EYS: variants seen among roughly 807,000 people sequenced by gnomAD.
The protein encoded by EYS is EGF-like photoreceptor maintenance factor, also known as protein eyes shut homolog.
In EYS, 250 loss-of-function variants were observed where a neutral mutation model predicts 282.1. That is an observed-to-expected ratio of 0.89 (90% CI 0.80 to 0.98). EYS has a LOEUF of 0.98. Ranked by LOEUF, EYS falls within the 50% of genes least tolerant of loss-of-function variation. The pLI, the probability that EYS is intolerant of heterozygous loss-of-function variation, is 0.00. For synonymous variants in EYS, 1,355 were observed against 1,282.9 expected, an observed-to-expected ratio of 1.06 and a Z score of -1.20; for missense variants, 4,016 against 3,709.0, an observed-to-expected ratio of 1.08 and a Z score of -2.15.
chr6:64,835,651 T>C (rs991778959), intron 19 of EYS, among the ~76,000 whole-genome samples: 2 of 151,698 alleles, frequency 1.3e-5, no homozygotes, highest in Non-Finnish European at 3.0e-5. Flanking sequence ...CACAGGATAA[T>C]ATACAACCTC....
At chr6:65,091,934 G>A (rs1774586751) in intron 12 of EYS, among the ~76,000 whole-genome samples, 1 of 152,040 alleles carries the variant, frequency 6.6e-6, no homozygotes, top group South Asian at 2.1e-4. Context: ...ACGGTCCCTC[G>A]AGTGTTTTTC....
chr6:64,745,089 T>C (rs1341184492), intron 22 of EYS, among the ~76,000 whole-genome samples: 1 of 152,202 alleles, frequency 6.6e-6, no homozygotes, highest in Non-Finnish European at 1.5e-5. Context: ...TCATCATATT[T>C]GATAACATTT....
intron 12 of EYS, among the ~76,000 whole-genome samples, chr6:65,137,389 T>G (rs1776051442): frequency 6.6e-6 from 1 of 152,106 alleles, no homozygotes; most frequent in South Asian, 2.1e-4. Context: ...TGAGACCATT[T>G]GAGGTCAGGT....
intron 31 of EYS, among the ~76,000 whole-genome samples, chr6:64,205,538 C>G (rs911361760): frequency 3.9e-5 from 6 of 152,066 alleles, no homozygotes; most frequent in African/African-American, 1.4e-4. Context: ...TTTCACTAAC[C>G]AGAACACATA....
At chr6:65,366,807 T>G (rs1054458795) in intron 8 of EYS, among the ~76,000 whole-genome samples, 2 of 151,624 alleles carry the variant, frequency 1.3e-5, no homozygotes, top group African/African-American at 2.4e-5. Flanking sequence ...GGAAATCTGT[T>G]TCTTTATCTT....
chr6:65,443,313 T>A (rs1294067710), intron 5 of EYS, among the ~76,000 whole-genome samples: 1 of 114,788 alleles, frequency 8.7e-6, no homozygotes, highest in Non-Finnish European at 2.1e-5. Context: ...TGTGTACACA[T>A]ATAGACATAT....
At chr6:64,390,939 G>A (rs1222849166) in intron 28 of EYS, among the ~76,000 whole-genome samples, 3 of 151,404 alleles carry the variant, frequency 2.0e-5, no homozygotes, top group African/African-American at 4.9e-5. Context: ...AGGAGCTGAT[G>A]GAGCTGAAAA....
chr6:64,606,764 C>T (rs141793995), intron 24 of EYS, among the ~76,000 whole-genome samples: 7 of 151,290 alleles, frequency 4.6e-5, no homozygotes, highest in African/African-American at 1.5e-4. Flanking sequence ...GGAATGTGCA[C>T]ACAGCCTTCT....
intron 28 of EYS, among the ~76,000 whole-genome samples, chr6:64,393,438 C>T (rs1411844656): frequency 2.0e-5 from 3 of 152,164 alleles, no homozygotes; most frequent in Admixed American, 6.5e-5. Flanking sequence ...CCACCATGAT[C>T]AAGTGGGCTT....
intron 1 of EYS, among the ~76,000 whole-genome samples, chr6:65,650,869 G>A (rs1767627794): frequency 6.6e-6 from 1 of 151,962 alleles, no homozygotes; most frequent in Admixed American, 6.6e-5. Flanking sequence ...CTTTTAAAAT[G>A]CAAATAAAAT....
At chr6:65,163,595 G>A (rs796546962) in intron 12 of EYS, among the ~76,000 whole-genome samples, 3 of 151,308 alleles carry the variant, frequency 2.0e-5, no homozygotes, top group African/African-American at 7.2e-5. Context: ...TGACAAAGAA[G>A]GATTGCCAAT....
chr6:65,577,557 A>T (rs893182787), intron 2 of EYS, among the ~76,000 whole-genome samples: 1 of 151,906 alleles, frequency 6.6e-6, no homozygotes, highest in Non-Finnish European at 1.5e-5. Flanking sequence ...ACAGACAACA[A>T]ATCAAAAATA....
intron 31 of EYS, among the ~76,000 whole-genome samples, chr6:64,127,300 T>G (rs1419383917): frequency 6.6e-6 from 1 of 152,166 alleles, no homozygotes; most frequent in African/African-American, 2.4e-5. Flanking sequence ...ATTCCTAGAC[T>G]AAGTGACTTT....
chr6:64,146,388 C>T (rs1774519448), intron 31 of EYS, among the ~76,000 whole-genome samples: 1 of 152,076 alleles, frequency 6.6e-6, no homozygotes, highest in Admixed American at 6.6e-5. Context: ...TTTACTATAA[C>T]ATATTTAAAA....
chr6:65,019,422 A>G (rs1772170770), intron 13 of EYS, among the ~76,000 whole-genome samples: 1 of 152,182 alleles, frequency 6.6e-6, no homozygotes, highest in Non-Finnish European at 1.5e-5. Flanking sequence ...ACAACATTCC[A>G]AAGAGCTTGG....
chr6:64,929,072 T>G (rs1768615420), intron 15 of EYS, among the ~76,000 whole-genome samples: 1 of 152,160 alleles, frequency 6.6e-6, no homozygotes, highest in Non-Finnish European at 1.5e-5. Flanking sequence ...TGGCCTTTTT[T>G]GAAAATAGAG....
In EYS at chr6:64,640,219, G is replaced by A. The variant is rs1218659903; in HGVS notation, c.3444-13974C>T. Among the ~76,000 whole-genome samples, 14 of 144,806 alleles carry A rather than the reference G, an allele frequency of 9.7e-5. No individual in the cohort carries two copies. The East Asian group carries it at 2.8e-3, about 29-fold the overall frequency. 95.0% of individuals were successfully genotyped at this position (144,806 alleles called of 152,430 possible). A position where few individuals can be genotyped will look rare whatever the true frequency, so the allele number is the denominator to read the frequency against. The stretch of plus-strand genomic sequence containing the variant: ...TTTGACCCAGCCATCCCATTACTGG[G>A]TATATACCCAAAGGACTCTAAATCA... On this transcript the variant is annotated intron_variant, in intron 22 of 42. Transcript: ENST00000503581.
intron 19 of EYS, among the ~76,000 whole-genome samples, chr6:64,824,823 A>G (rs1023057264): frequency 3.3e-5 from 5 of 151,902 alleles, no homozygotes; most frequent in African/African-American, 1.2e-4. Flanking sequence ...AGCATCATCA[A>G]GATTATCTTA....
intron 4 of EYS, among the ~76,000 whole-genome samples, chr6:65,491,111 C>G (rs189874904): frequency 6.6e-6 from 1 of 151,984 alleles, no homozygotes; most frequent in African/African-American, 2.4e-5. Flanking sequence ...CAGACTTACC[C>G]CCTAGCCAAG....
Sources: gnomAD v4.1 joint callset for allele counts (sites outside exome capture counted in the v4.1 genomes callset) on GRCh38, gnomAD v4.1.1 for gene constraint, MANE v1.5 for transcripts, NCBI Gene and HGNC (gene_info 2026-07-23, HGNC 2026-07-21) for gene names.